The following DOK6 variants were observed in gnomAD, a reference collection of about 807,000 sequenced individuals.
DOK6 encodes downstream of tyrosine kinase 6.
DOK6 carries 22 observed loss-of-function variants against 44.0 expected under a neutral mutation model. The ratio of observed to expected loss-of-function variants is 0.50; its 90% CI spans 0.36 to 0.71. The LOEUF (loss-of-function observed/expected upper bound fraction) is 0.71. Ranked by LOEUF, DOK6 falls within the 30% of genes least tolerant of loss-of-function variation. The pLI is 0.00. For synonymous variants in DOK6, 166 were observed against 145.5 expected (o/e 1.14, Z -1.01); for missense variants, 340 against 416.4 (o/e 0.82, Z 1.60).
intron 1 of DOK6, among the ~76,000 whole-genome samples, chr18:69,431,194 G>C (rs1324092749): frequency 1.3e-5 from 2 of 152,196 alleles, no homozygotes; most frequent in African/African-American, 4.8e-5. Context: ...AAATAAAACA[G>C]TATTTTCAGC....
At chr18:69,802,957 T>C (rs1019601221) in intron 7 of DOK6, among the ~76,000 whole-genome samples, 2 of 152,142 alleles carry the variant, frequency 1.3e-5, no homozygotes, top group Non-Finnish European at 2.9e-5. Flanking sequence ...TAGGAATTGA[T>C]ATAAGAAACT....
intron 1 of DOK6, among the ~76,000 whole-genome samples, chr18:69,517,002 T>G (rs1981545185): frequency 6.6e-6 from 1 of 152,160 alleles, no homozygotes; most frequent in Admixed American, 6.5e-5. Flanking sequence ...ATGCTTCTTA[T>G]CTCCTCTTTC....
intron 1 of DOK6, among the ~76,000 whole-genome samples, chr18:69,500,069 C>A (rs1419936848): frequency 6.6e-6 from 1 of 152,084 alleles, no homozygotes; most frequent in Non-Finnish European, 1.5e-5. Flanking sequence ...CGACTTCAAC[C>A]TCAGTTTTCT....
intron 3 of DOK6, among the ~76,000 whole-genome samples, chr18:69,631,398 C>T (rs1392692640): frequency 3.4e-5 from 2 of 58,322 alleles, no homozygotes; most frequent in Non-Finnish European, 7.3e-5. Flanking sequence ...CATCAGATAA[C>T]GTGTGACCAG....
chr18:69,478,161 G>C (rs147760409), intron 1 of DOK6, among the ~76,000 whole-genome samples: 198 of 152,260 alleles, frequency 1.3e-3, no homozygotes, highest in African/African-American at 4.6e-3. Context: ...CATTAGCTCA[G>C]TGTGGTGGAA....
chr18:69,668,547 C>T (rs1985716757), intron 3 of DOK6, among the ~76,000 whole-genome samples: 1 of 152,150 alleles, frequency 6.6e-6, no homozygotes, highest in Non-Finnish European at 1.5e-5. Context: ...TCTTCTGCTT[C>T]ATGTTACTTT....
chr18:69,662,380 G>C (rs1985552278), intron 3 of DOK6: 1 of 152,146 alleles, frequency 6.6e-6, no homozygotes, highest in Non-Finnish European at 1.5e-5. Flanking sequence ...ACTTATCACA[G>C]CTACTTTTGG....
At chr18:69,630,175 C>T (rs999906950) in intron 3 of DOK6, among the ~76,000 whole-genome samples, 1 of 152,116 alleles carries the variant, frequency 6.6e-6, no homozygotes, top group Admixed American at 6.5e-5. Context: ...TAAGCCCACC[C>T]TGTACACATA....
chr18:69,786,085 C>T (rs996690810), intron 7 of DOK6, among the ~76,000 whole-genome samples: 4 of 151,924 alleles, frequency 2.6e-5, no homozygotes, highest in African/African-American at 9.7e-5. Context: ...ATTTAAAATG[C>T]TCTTATGAGG....
At chr18:69,471,449 G>C (rs548064284) in intron 1 of DOK6, among the ~76,000 whole-genome samples, 1 of 151,872 alleles carries the variant, frequency 6.6e-6, no homozygotes, top group East Asian at 2.0e-4. Context: ...TGTTTGGAAA[G>C]GTCAGTGGGA....
intron 1 of DOK6, among the ~76,000 whole-genome samples, chr18:69,455,155 GCAAAA>G (rs1568263568): frequency 4.5e-5 from 1 of 22,312 alleles, no homozygotes. Context: ...AATAGCTATA[GCAAAA>G]AAAAAAAAAA....
At chr18:69,824,810 T>G (rs1981692969) in intron 7 of DOK6, among the ~76,000 whole-genome samples, 1 of 152,246 alleles carries the variant, frequency 6.6e-6, no homozygotes. Flanking sequence ...AGAAAGCCAC[T>G]TTAAATTGCG....
In DOK6 at chr18:69,411,267, T is replaced by C. The variant is rs569901567; in HGVS notation, c.66+9957T>C. On this transcript the variant is annotated intron_variant, in intron 1 of 7. Transcript: ENST00000382713. ...GAGAAAAGATCCAGAATAAGGGTGC[T>C]TGTAGTGTTCTAAGAAGCTGGGAAG... Among the ~76,000 whole-genome samples the C allele has an allele frequency of 9.9e-5, 15 of 152,276 alleles. No individual in the cohort carries two copies. The South Asian group carries it at 3.1e-3, about 32-fold the overall frequency.
At chr18:69,591,943 A>T (rs58428550) in intron 2 of DOK6, among the ~76,000 whole-genome samples, 5,555 of 152,202 alleles carry the variant, frequency 0.036, 115 homozygotes, top group East Asian at 0.12. Flanking sequence ...AACAGATTAA[A>T]CTCAGAAGCA....
At chr18:69,579,752 T>C (rs1265096611) in intron 2 of DOK6, among the ~76,000 whole-genome samples, 1 of 151,976 alleles carries the variant, frequency 6.6e-6, no homozygotes, top group Non-Finnish European at 1.5e-5. Context: ...TTTTGTTTGT[T>C]TGTTTGTTTT....
At chr18:69,591,436 T>C (rs1983619628) in intron 2 of DOK6, among the ~76,000 whole-genome samples, 1 of 152,092 alleles carries the variant, frequency 6.6e-6, no homozygotes, top group African/African-American at 2.4e-5. Context: ...TTCTCAAAAA[T>C]GAACTAAGGG....
At chr18:69,731,156 A>G (rs1414645903) in intron 5 of DOK6, among the ~76,000 whole-genome samples, 1 of 152,182 alleles carries the variant, frequency 6.6e-6, no homozygotes, top group African/African-American at 2.4e-5. Flanking sequence ...GAGAAAACTA[A>G]CACAATAAGG....
intron 7 of DOK6, among the ~76,000 whole-genome samples, chr18:69,796,124 G>A (rs1193421221): frequency 6.6e-6 from 1 of 152,270 alleles, no homozygotes; most frequent in African/African-American, 2.4e-5. Context: ...AGGCAGAGAC[G>A]GATCTCAGCA....
chr18:69,467,551 G>C (rs2122483249), intron 1 of DOK6, among the ~76,000 whole-genome samples: 1 of 152,224 alleles, frequency 6.6e-6, no homozygotes, highest in East Asian at 1.9e-4. Flanking sequence ...AATACAACTT[G>C]CTTTCCTCAT....
Sources: gnomAD v4.1 joint callset for allele counts (sites outside exome capture counted in the v4.1 genomes callset) on GRCh38, gnomAD v4.1.1 for gene constraint, MANE v1.5 for transcripts, NCBI Gene and HGNC (gene_info 2026-07-23, HGNC 2026-07-21) for gene names.